Variants in CEP128 observed in about 807,000 individuals in gnomAD.
CEP128 encodes centrosomal protein 128.
In CEP128, 132 loss-of-function variants were observed where a neutral mutation model predicts 156.7. The ratio of observed to expected loss-of-function variants is 0.84; its 90% CI spans 0.73 to 0.97. The LOEUF is 0.97. Ranked by LOEUF, CEP128 falls within the 50% of genes least tolerant of loss-of-function variation. CEP128 has a pLI of 0.00. For synonymous variants in CEP128, 469 were observed against 448.9 expected (o/e 1.04, Z -0.57); for missense variants, 1,252 against 1,281.9 (o/e 0.98, Z 0.36).
intron 19 of CEP128, among the ~76,000 whole-genome samples, chr14:80,656,492 C>T (rs1360032727): frequency 6.6e-6 from 1 of 150,884 alleles, no homozygotes; most frequent in Non-Finnish European, 1.5e-5. Flanking sequence ...TGAGTAAAAA[C>T]AATTAGGACT....
At chr14:80,871,711 T>A (rs1216700414) in intron 8 of CEP128, among the ~76,000 whole-genome samples, 1 of 152,148 alleles carries the variant, frequency 6.6e-6, no homozygotes, top group African/African-American at 2.4e-5. Context: ...TGTAATCCAA[T>A]ACTAAAAAAT....
intron 13 of CEP128, among the ~76,000 whole-genome samples, chr14:80,799,482 A>G (rs1176743323): frequency 6.6e-6 from 1 of 152,214 alleles, no homozygotes; most frequent in Admixed American, 6.5e-5. Context: ...TTAGGGAACA[A>G]AGGAAGACAA....
intron 17 of CEP128, among the ~76,000 whole-genome samples, chr14:80,758,550 G>A (rs965766419): frequency 7.4e-5 from 11 of 148,482 alleles, no homozygotes; most frequent in Non-Finnish European, 1.0e-4. Context: ...ACCATTTAAC[G>A]AACGGTGTCA....
chr14:80,937,606 GGATACTATGTATCTGCTAAAAGA>G (rs1451248109), intron 2 of CEP128, among the ~76,000 whole-genome samples: 8 of 151,874 alleles, frequency 5.3e-5, no homozygotes, highest in Admixed American at 5.2e-4. Context: ...CTAATCACTG[GGATACTATGTATCTGCTAAAAGA>G]GACAAGGTTG....
chr14:80,692,453 G>A (rs1016298160), intron 19 of CEP128, among the ~76,000 whole-genome samples: 7 of 152,084 alleles, frequency 4.6e-5, no homozygotes, highest in African/African-American at 1.4e-4. Context: ...AAAAATACAA[G>A]CAGATACAAT....
At chr14:80,772,598 A>G (rs1016538765) in intron 16 of CEP128, among the ~76,000 whole-genome samples, 2 of 152,198 alleles carry the variant, frequency 1.3e-5, no homozygotes, top group Non-Finnish European at 2.9e-5. Context: ...TGGCAAGGCT[A>G]AAAGAGTGCA....
At chr14:80,956,501 A>G (rs1398259061) in intron 2 of CEP128, among the ~76,000 whole-genome samples, 1 of 152,250 alleles carries the variant, frequency 6.6e-6, no homozygotes, top group Non-Finnish European at 1.5e-5. Flanking sequence ...ATGTTACCAG[A>G]TTAGAAACCT....
intron 9 of CEP128, among the ~76,000 whole-genome samples, chr14:80,843,380 G>A (rs1283020883): frequency 2.0e-5 from 3 of 152,066 alleles, no homozygotes; most frequent in South Asian, 2.1e-4. Flanking sequence ...CAGTGCTACA[G>A]TTGCACACCT....
chr14:80,742,212 ACTT>A (rs1402858981), intron 19 of CEP128, among the ~76,000 whole-genome samples: 10 of 152,132 alleles, frequency 6.6e-5, no homozygotes, highest in African/African-American at 2.4e-4. Flanking sequence ...CCTTCACAAT[ACTT>A]CTTTTTTCTT....
chr14:80,799,952 T>C (rs1488337107), intron 13 of CEP128, among the ~76,000 whole-genome samples: 1 of 152,224 alleles, frequency 6.6e-6, no homozygotes, highest in East Asian at 1.9e-4. Flanking sequence ...TTTCCCTTTG[T>C]CCTGTTCTCT....
intron 19 of CEP128, among the ~76,000 whole-genome samples, chr14:80,586,632 T>C (rs1891832481): frequency 6.6e-6 from 1 of 152,228 alleles, no homozygotes; most frequent in South Asian, 2.1e-4. Flanking sequence ...ATCGACAATC[T>C]GTGGGAAGAC....
At chr14:80,586,064 C>G (rs952001615) in intron 19 of CEP128, among the ~76,000 whole-genome samples, 1 of 151,914 alleles carries the variant, frequency 6.6e-6, no homozygotes, top group African/African-American at 2.4e-5. Context: ...GAATCATTGA[C>G]ATTTTAGAGA....
At chr14:80,769,455 T>C (rs1349211840) in intron 16 of CEP128, among the ~76,000 whole-genome samples, 2 of 151,126 alleles carry the variant, frequency 1.3e-5, no homozygotes, top group Middle Eastern at 3.4e-3. Context: ...CAGGCCCCGG[T>C]GTGTGACGTT....
intron 13 of CEP128, among the ~76,000 whole-genome samples, chr14:80,812,201 T>A (rs939127742): frequency 1.3e-5 from 2 of 152,198 alleles, no homozygotes; most frequent in Admixed American, 1.3e-4. Flanking sequence ...TGGCCTCCAG[T>A]TGCTCCAACT....
At chr14:80,799,981 G>C (rs1237398889) in intron 13 of CEP128, among the ~76,000 whole-genome samples, 1 of 152,070 alleles carries the variant, frequency 6.6e-6, no homozygotes, top group Admixed American at 6.6e-5. Flanking sequence ...TGTGATCTTT[G>C]TTAGACCCTT....
chr14:80,530,154 T>C (rs1163075121), intron 22 of CEP128, among the ~76,000 whole-genome samples: 3 of 152,226 alleles, frequency 2.0e-5, no homozygotes, highest in Non-Finnish European at 4.4e-5. Flanking sequence ...CATTAAAATT[T>C]TACATTGCAT....
chr14:80,729,172 T>C (rs1266353875), intron 19 of CEP128, among the ~76,000 whole-genome samples: 3 of 143,870 alleles, frequency 2.1e-5, no homozygotes, highest in Non-Finnish European at 4.5e-5. Flanking sequence ...CCTCCCATGC[T>C]TCCCCCCAAG....
intron 7 of CEP128, among the ~76,000 whole-genome samples, chr14:80,898,880 T>C (rs898539835): frequency 6.6e-6 from 1 of 152,200 alleles, no homozygotes; most frequent in Non-Finnish European, 1.5e-5. Flanking sequence ...AACCACCATA[T>C]ACCGTAAGTG....
chr14:80,662,698 C>T (rs1249189048), intron 19 of CEP128, among the ~76,000 whole-genome samples: 1 of 152,094 alleles, frequency 6.6e-6, no homozygotes, highest in Non-Finnish European at 1.5e-5. Flanking sequence ...AATGGGATAA[C>T]ATATCTTTTT....
Sources: allele counts gnomAD v4.1 joint callset (sites outside exome capture counted in the v4.1 genomes callset), GRCh38; gene constraint gnomAD v4.1.1; transcripts MANE v1.5; gene names NCBI Gene and HGNC (gene_info 2026-07-23, HGNC 2026-07-21).